The following WNT9B variants were observed in gnomAD, a reference collection of about 807,000 sequenced individuals.
WNT9B encodes protein Wnt-9b.
A neutral mutation model predicts 30.2 loss-of-function variants in WNT9B; 12 were observed. The observed-to-expected ratio is 0.40, with a 90% CI of 0.26 to 0.64. The LOEUF is 0.64. WNT9B is among the 30% of genes least tolerant of loss of function. The probability of loss-of-function intolerance (pLI) is 0.42; values close to 1 mark genes in which losing one functional copy is unlikely to be tolerated. For missense variants in WNT9B, 442 were observed against 485.2 expected, an observed-to-expected ratio of 0.91 and a Z score of 0.84; for synonymous variants, 218 against 216.9, an observed-to-expected ratio of 1.01 and a Z score of -0.05.
intron 2 of WNT9B, 26 bp downstream of exon 2, chr17:46,872,799 G>GT: frequency 7.6e-6 from 10 of 1,313,994 alleles, no homozygotes; most frequent in Non-Finnish European, 9.7e-6. Flanking sequence ...AGGGGACGGG[G>GT]AGGGCTGGGG....
At position 46,851,607 on chromosome 17, in the gene WNT9B, G is replaced by T; in HGVS notation, c.-32G>T. The stretch of plus-strand genomic sequence containing the variant: ...GAGCTGCGAGCTTGAGCGGCGCGAG[G>T]AGATGCTAGAGGGCGCAGCGCCGCC... On this transcript the variant is annotated 5_prime_UTR_variant, in exon 1 of 4. Transcript: ENST00000290015. The surrounding 1 kb of genome is among the most constrained non-coding windows in gnomAD (Gnocchi z 4.3). 8.3e-7 allele frequency: 1 copy of T among 1,211,106 alleles called. No individual in the cohort carries two copies. Among genetic ancestry groups the T allele is most frequent in the Non-Finnish European group, 1.0e-6 (1 of 965,172 alleles). 75.0% of individuals were successfully genotyped at this position (1,211,106 alleles called of 1,614,324 possible).
chr17:46,850,900 G>T (rs2084832979), upstream of WNT9B, among the ~76,000 whole-genome samples: 1 of 152,074 alleles, frequency 6.6e-6, no homozygotes, highest in South Asian at 2.1e-4. Context: ...GGGAACATCA[G>T]CAGCATTTTG....
downstream of WNT9B, among the ~76,000 whole-genome samples, chr17:46,882,330 T>A (rs1039192061): frequency 6.6e-6 from 1 of 152,222 alleles, no homozygotes; most frequent in African/African-American, 2.4e-5. Flanking sequence ...GCTGCATGTC[T>A]CGTGGAATAC....
At chr17:46,865,946 G>T (rs2085126629) in intron 1 of WNT9B, among the ~76,000 whole-genome samples, 1 of 152,074 alleles carries the variant, frequency 6.6e-6, no homozygotes, top group Non-Finnish European at 1.5e-5. Context: ...TTTGTTTATT[G>T]ATACTCAGTT....
At position 46,877,371 on chromosome 17, in the gene WNT9B, C is replaced by A. The variant is rs972341720; in HGVS notation, c.*653C>A. 2.6e-5 allele frequency among the ~76,000 whole-genome samples: 4 copies of A among 152,180 alleles called. No homozygotes were observed. The highest frequency in any genetic ancestry group is 9.7e-5 in the African/African-American group (4 of 41,434). ...GATCTGTGCCCTGGAGCCCTGTGTC[C>A]TTGATTTGGCTTTTCAAATATGCCT... is the stretch of plus-strand genomic sequence containing the variant. On this transcript the variant is annotated 3_prime_UTR_variant, in exon 4 of 4. Coordinates refer to ENST00000290015, the MANE Select transcript of WNT9B (RefSeq NM_003396.3).
upstream of WNT9B, among the ~76,000 whole-genome samples, chr17:46,850,031 G>A (rs1290253878): frequency 6.6e-6 from 1 of 152,100 alleles, no homozygotes; most frequent in Non-Finnish European, 1.5e-5. Context: ...TGTATTTTTA[G>A]GAGAGACAGG....
chr17:46,872,617 C>G lies in WNT9B; in HGVS notation c.178C>G (p.Leu60Val), dbSNP rs369919312. The change falls in exon 2 of 4, where the codon CTG becomes GTG. Residue 60 changes from leucine (L) to valine (V), a missense_variant. Transcript: ENST00000290015. ...AHLKQCDLLK[L>V]SRRQKQLCRR... Reference sequence around the variant, plus strand: ...CCTGAAGCAGTGTGACCTGCTGAAGCTGTCCCGGCGGCAGAAGCAGCTCTG... The same window carrying G: ...CCTGAAGCAGTGTGACCTGCTGAAGGTGTCCCGGCGGCAGAAGCAGCTCTG... The G allele has an allele frequency of 3.1e-6, 5 of 1,613,062 alleles. No individual in the cohort carries two copies. The African/African-American group carries it at 6.7e-5, about 22-fold the overall frequency.
At chr17:46,856,633 GC>G (rs1434634335) in intron 1 of WNT9B, among the ~76,000 whole-genome samples, 3 of 151,802 alleles carry the variant, frequency 2.0e-5, no homozygotes, top group Non-Finnish European at 2.9e-5. Flanking sequence ...ACAAGTGTGC[GC>G]CACCATGCCC....
intron 1 of WNT9B, among the ~76,000 whole-genome samples, chr17:46,845,227 A>T (rs1285384255): frequency 1.3e-5 from 2 of 152,108 alleles, no homozygotes; most frequent in Non-Finnish European, 2.9e-5. Context: ...ACCCCAACGT[A>T]GAGTCTTTCA....
downstream of WNT9B, chr17:46,885,091 C>T (rs780160936): frequency 1.1e-4 from 49 of 434,786 alleles, no homozygotes; most frequent in Non-Finnish European, 1.5e-4. Flanking sequence ...CGGATTCAAG[C>T]GATTCTCCCG....
chr17:46,837,124 G>A (rs1237937637), intron 1 of WNT9B, among the ~76,000 whole-genome samples: 5 of 152,106 alleles, frequency 3.3e-5, no homozygotes, highest in Non-Finnish European at 7.4e-5. Flanking sequence ...TGTATTTTTA[G>A]TAGAGATGGG....
At position 46,862,163 on chromosome 17, in the gene WNT9B, C is replaced by CAA. The variant is rs111407961; in HGVS notation, c.78-10339_78-10338dup. On this transcript the variant is annotated intron_variant, in intron 1 of 3. Transcript: ENST00000290015. The stretch of plus-strand genomic sequence containing the variant: ...GGGCAACAAGAGTGAAACTCCGTCT[C>CAA]AAAAAAAAAAAAAAAAGAAAAAGAA... Among the ~76,000 whole-genome samples the CAA allele has an allele frequency of 1.4e-4, 11 of 80,324 alleles. No homozygotes were observed. In the South Asian group the frequency reaches 5.1e-3, roughly 37 times the overall value. The allele number at this position is 80,324 out of a possible 152,430, so 52.7% of individuals were successfully genotyped here.
At chr17:46,835,908 C>A (rs1322469111) in intron 1 of WNT9B, among the ~76,000 whole-genome samples, 1 of 152,194 alleles carries the variant, frequency 6.6e-6, no homozygotes, top group Non-Finnish European at 1.5e-5. Flanking sequence ...GAGACCCGGC[C>A]CTTCTCTCTG....
chr17:46,863,216 T>G (rs1215500320), intron 1 of WNT9B, among the ~76,000 whole-genome samples: 1 of 152,224 alleles, frequency 6.6e-6, no homozygotes, highest in Non-Finnish European at 1.5e-5. Flanking sequence ...TGGTAGCCTC[T>G]GCAGCCAGAG....
At chr17:46,842,542 T>G (rs1407602100) in intron 1 of WNT9B, among the ~76,000 whole-genome samples, 1 of 152,142 alleles carries the variant, frequency 6.6e-6, no homozygotes, top group Non-Finnish European at 1.5e-5. Flanking sequence ...GCCCAGCTAT[T>G]AATTTTTTTT....
intron 1 of WNT9B, among the ~76,000 whole-genome samples, chr17:46,852,871 T>G (rs2084877297): frequency 6.6e-6 from 1 of 151,836 alleles, no homozygotes; most frequent in African/African-American, 2.4e-5. Flanking sequence ...CAGGTTGGAG[T>G]AAGGGCTGTG....
Position 46,876,259 on chromosome 17 carries a change from C to T in WNT9B, c.615C>T (p.Gly205=). 1 of 1,610,478 alleles carries T rather than the reference C, an allele frequency of 6.2e-7. No individual in the cohort carries two copies. Among genetic ancestry groups the T allele is most frequent in the East Asian group, 2.2e-5 (1 of 44,828 alleles). The part of the protein sequence containing the change: ...THVGIKAVKS[G]LRTTCKCHGV... ...CTCCCCCACAGGCTGTGAAGAGTGG[C>T]CTCAGGACCACGTGTAAGTGCCATG... Residue 205 remains glycine (G), a synonymous_variant, in exon 4 of 4, where the codon GGC becomes GGT. Transcript: ENST00000290015.
chr17:46,869,982 T>C (rs1340298752), intron 1 of WNT9B, among the ~76,000 whole-genome samples: 1 of 151,674 alleles, frequency 6.6e-6, no homozygotes, highest in Non-Finnish European at 1.5e-5. Context: ...CTGGACCACA[T>C]AGCAAGACTG....
intron 1 of WNT9B, among the ~76,000 whole-genome samples, chr17:46,842,351 G>A (rs571984336): frequency 2.6e-5 from 4 of 152,198 alleles, no homozygotes; most frequent in African/African-American, 9.6e-5. Flanking sequence ...CAACCTCAGG[G>A]TTACAGTTAG....
Sources: gnomAD v4.1 joint callset for allele counts (sites outside exome capture counted in the v4.1 genomes callset) on GRCh38, gnomAD v4.1.1 for gene constraint, Gnocchi (gnomAD v3.1) non-coding constraint, MANE v1.5 for transcripts, NCBI Gene and HGNC (gene_info 2026-07-23, HGNC 2026-07-21) for gene names.